Variants in UBR3 observed in about 807,000 individuals in gnomAD.
UBR3 encodes the protein ubiquitin protein ligase E3 component n-recognin 3, also known as E3 ubiquitin-protein ligase UBR3.
Under a neutral mutation model 243.2 loss-of-function variants are expected in UBR3, and 85 were observed. The ratio of observed to expected loss-of-function variants is 0.35; its 90% CI spans 0.29 to 0.42. The LOEUF is 0.42. Ranked by LOEUF, UBR3 falls within the 10% of genes least tolerant of loss-of-function variation. The probability of loss-of-function intolerance (pLI) is 1.00; values close to 1 mark genes in which losing one functional copy is unlikely to be tolerated. For synonymous variants in UBR3, 748 were observed against 799.8 expected (o/e 0.94, Z 1.09); for missense variants, 1,686 against 2,300.8 (o/e 0.73, Z 5.47).
intron 35 of UBR3, among the ~76,000 whole-genome samples, chr2:170,072,678 T>A (rs1456321747): frequency 2.6e-5 from 4 of 151,992 alleles, no homozygotes; most frequent in Non-Finnish European, 5.9e-5. Flanking sequence ...TGGTCTGAGG[T>A]TTCATTAAAT....
chr2:170,049,174 C>G (rs1020447496), intron 32 of UBR3, among the ~76,000 whole-genome samples: 35 of 152,138 alleles, frequency 2.3e-4, no homozygotes, highest in Admixed American at 2.1e-3. Flanking sequence ...GAAGCCTTAC[C>G]AATAACACTG....
chr2:170,012,333 A>G (rs776101998), intron 29 of UBR3, among the ~76,000 whole-genome samples: 22 of 152,130 alleles, frequency 1.4e-4, no homozygotes, highest in Non-Finnish European at 4.4e-5. Context: ...ACATATCAAA[A>G]GAAAGATGTT....
intron 33 of UBR3, among the ~76,000 whole-genome samples, chr2:170,057,198 C>T (rs1218131469): frequency 6.6e-6 from 1 of 151,404 alleles, no homozygotes; most frequent in Admixed American, 6.6e-5. Context: ...TCACTGCAGC[C>T]TCAACCTCCT....
chr2:169,976,744 T>C (rs769423839), intron 24 of UBR3, among the ~76,000 whole-genome samples: 5 of 152,196 alleles, frequency 3.3e-5, no homozygotes, highest in East Asian at 1.9e-4. Context: ...GAGGACCTTT[T>C]TGAGTCTAAT....
At chr2:169,964,674 G>C in intron 24 of UBR3, 1 of 370,432 alleles carries the variant, frequency 2.7e-6, no homozygotes, top group South Asian at 2.1e-5. Context: ...GCTGAGGAGA[G>C]TGGGAGACAT....
chr2:170,038,048 A>G (rs982053086), intron 31 of UBR3, among the ~76,000 whole-genome samples: 1 of 152,170 alleles, frequency 6.6e-6, no homozygotes, highest in African/African-American at 2.4e-5. Flanking sequence ...AGATTCTAGT[A>G]TTCTGTTAAG....
intron 10 of UBR3, among the ~76,000 whole-genome samples, chr2:169,908,847 G>A (rs1353868818): frequency 2.9e-5 from 4 of 135,878 alleles, no homozygotes; most frequent in East Asian, 2.2e-4. Flanking sequence ...TTTTTGAGAC[G>A]TAGTCTTGCT....
In UBR3 at chr2:169,954,740, A is replaced by G. The variant is rs181559990; in HGVS notation, c.3546-3698A>G. ...CAGGTGCTTGCCACCATGCCCGGCT[A>G]ATTTTTGTATTTTTAGTAGAGACAG... On this transcript the variant is annotated intron_variant, in intron 23 of 38. Coordinates refer to ENST00000272793, the MANE Select transcript of UBR3 (RefSeq NM_172070.4). Among the ~76,000 whole-genome samples the G allele has an allele frequency of 2.9e-3, 442 of 151,790 alleles. 2 individuals carry two copies. Among genetic ancestry groups the G allele is most frequent in the African/African-American group, 0.01 (417 of 41,342 alleles).
intron 35 of UBR3, among the ~76,000 whole-genome samples, chr2:170,070,657 A>C (rs1256347388): frequency 6.6e-6 from 1 of 152,158 alleles, no homozygotes; most frequent in Non-Finnish European, 1.5e-5. Flanking sequence ...GATGTACAAA[A>C]ATTTCACTGT....
chr2:170,026,882 T>G (rs894333697), intron 30 of UBR3, among the ~76,000 whole-genome samples: 1 of 152,114 alleles, frequency 6.6e-6, no homozygotes, highest in African/African-American at 2.4e-5. Flanking sequence ...TTAATATTCA[T>G]CTGGTATAAG....
At chr2:169,992,175 T>C (rs2089304072) in intron 25 of UBR3, among the ~76,000 whole-genome samples, 1 of 152,160 alleles carries the variant, frequency 6.6e-6, no homozygotes, top group South Asian at 2.1e-4. Context: ...AAATGAATGA[T>C]TTCCTACAAA....
chr2:169,839,887 GGAAAGAAACAC>G (rs58004691), intron 1 of UBR3, among the ~76,000 whole-genome samples: 5,289 of 152,276 alleles, frequency 0.035, 289 homozygotes, highest in African/African-American at 0.12. Flanking sequence ...TAAAGAAAGA[GGAAAGAAACAC>G]GAAAGGTGGC....
At chr2:169,881,946 A>ATATAATTATATATTTATT (rs1491436129) in intron 5 of UBR3, among the ~76,000 whole-genome samples, 6 of 119,302 alleles carry the variant, frequency 5.0e-5, no homozygotes, top group Non-Finnish European at 1.0e-4. Context: ...ATATAATTAC[A>ATATAATTATATATTTATT]TATGTATGTA....
In UBR3 at chr2:170,059,079, C is replaced by T. The variant is rs543203670; in HGVS notation, c.4786-2000C>T. 5.2e-4 allele frequency among the ~76,000 whole-genome samples: 79 copies of T among 152,200 alleles called. No homozygotes were observed. The South Asian group carries it at 0.011, about 20-fold the overall frequency. On this transcript the variant is annotated intron_variant, in intron 33 of 38. Transcript: ENST00000272793. Reference sequence around the variant, plus strand: ...GTCTTTCATCCATGTTCTCAGAAATCATCTTTCTTAAGCTTCAAGAGCCTA... The same window carrying T: ...GTCTTTCATCCATGTTCTCAGAAATTATCTTTCTTAAGCTTCAAGAGCCTA...
chr2:169,975,349 G>T (rs904949535), intron 24 of UBR3, among the ~76,000 whole-genome samples: 1 of 152,132 alleles, frequency 6.6e-6, no homozygotes, highest in Non-Finnish European at 1.5e-5. Flanking sequence ...CATTAAGTTT[G>T]TTGTGACTTG....
In UBR3 at chr2:169,877,566, C is replaced by G; in HGVS notation, c.917C>G (p.Thr306Arg). The G allele has an allele frequency of 6.5e-7, 1 of 1,549,682 alleles. No individual in the cohort carries two copies. Among genetic ancestry groups the G allele is most frequent in the Non-Finnish European group, 8.7e-7 (1 of 1,146,560 alleles). Residue 306 changes from threonine (T) to arginine (R), a missense_variant, in exon 4 of 39, where the codon ACA becomes AGA. By Grantham distance (71) the Thr-to-Arg change is moderately conservative. Around this residue, in one of 8 missense-constraint regions of UBR3, gnomAD observed 200 missense variants for 231.6 expected, o/e 0.86. Coordinates refer to ENST00000272793, the MANE Select transcript of UBR3 (RefSeq NM_172070.4). ...ATAGCTTTAAAGAGCTCTGGACTTA[C>G]ATATCCTGAGGATAAGCTTGTATAT... ...YLIALKSSGL[T>R]YPEDKLVYGV...
intron 33 of UBR3, among the ~76,000 whole-genome samples, chr2:170,056,003 CTTTTTTTTTTTT>C (rs34415442): frequency 5.6e-5 from 5 of 88,918 alleles, no homozygotes; most frequent in African/African-American, 1.6e-4. Context: ...TCTTTTCTTT[CTTTTTTTTTTTT>C]TTTTTTTTTT....
intron 26 of UBR3, among the ~76,000 whole-genome samples, chr2:169,996,527 T>G (rs979931755): frequency 6.6e-6 from 1 of 152,040 alleles, no homozygotes; most frequent in African/African-American, 2.4e-5. Flanking sequence ...TGTTAGACAG[T>G]TTGGGTTAGG....
intron 35 of UBR3, among the ~76,000 whole-genome samples, chr2:170,061,716 CCT>C (rs1383882410): frequency 6.6e-6 from 1 of 152,156 alleles, no homozygotes; most frequent in Non-Finnish European, 1.5e-5. Flanking sequence ...GATCTACCTG[CCT>C]CGGCCTCCCA....
Sources: allele counts gnomAD v4.1 joint callset (sites outside exome capture counted in the v4.1 genomes callset), GRCh38; gene constraint gnomAD v4.1.1; regional missense constraint gnomAD v4.1.1; transcripts MANE v1.5; gene names NCBI Gene and HGNC (gene_info 2026-07-23, HGNC 2026-07-21).